Variants in MARCHF6 observed in about 807,000 individuals in gnomAD.
The protein encoded by MARCHF6 is E3 ubiquitin-protein ligase MARCHF6.
A neutral mutation model predicts 133.7 loss-of-function variants in MARCHF6; 31 were observed. That is an observed-to-expected ratio of 0.23 (90% confidence interval 0.17 to 0.31). MARCHF6 has a LOEUF of 0.31. Ranked by LOEUF, MARCHF6 falls within the 10% of genes least tolerant of loss-of-function variation. The pLI, the probability that MARCHF6 is intolerant of heterozygous loss-of-function variation, is 1.00. For synonymous variants in MARCHF6, 395 were observed against 402.5 expected, an observed-to-expected ratio of 0.98 and a Z score of 0.22; for missense variants, 723 against 1,121.6, an observed-to-expected ratio of 0.64 and a Z score of 5.08.
At chr5:10,428,373 G>A (rs371354023) in intron 24 of MARCHF6, among the ~76,000 whole-genome samples, 1 of 110,366 alleles carries the variant, frequency 9.1e-6, no homozygotes, top group Non-Finnish European at 1.7e-5. Flanking sequence ...ACGGAGTCTC[G>A]CTCTTTTGCC....
intron 1 of MARCHF6, among the ~76,000 whole-genome samples, chr5:10,377,528 ATC>A (rs1736864388): frequency 6.6e-6 from 1 of 152,242 alleles, no homozygotes; most frequent in Non-Finnish European, 1.5e-5. Flanking sequence ...GAATAAAACC[ATC>A]TGTTTCTCTT....
chr5:10,423,891 A>C, intron 23 of MARCHF6, 67 bp downstream of exon 23: 2 of 1,182,158 alleles, frequency 1.7e-6, no homozygotes, highest in South Asian at 1.4e-5. Flanking sequence ...GGCAGCTATA[A>C]CTCTTATTTC....
At chr5:10,398,162 C>T (rs893417911) in intron 10 of MARCHF6, among the ~76,000 whole-genome samples, 11 of 152,188 alleles carry the variant, frequency 7.2e-5, no homozygotes, top group African/African-American at 2.7e-4. Flanking sequence ...TTCCTTAGTA[C>T]ATGGGATTTA....
intron 11 of MARCHF6, 58 bp from the exon 12 acceptor site, chr5:10,402,001 A>T (rs1357489288): frequency 2.1e-6 from 2 of 972,208 alleles, no homozygotes; most frequent in African/African-American, 3.2e-5. Flanking sequence ...ATATGGGAAA[A>T]CCGGGGTGTA....
intron 22 of MARCHF6, among the ~76,000 whole-genome samples, chr5:10,420,075 G>A (rs1322150148): frequency 2.6e-5 from 4 of 151,780 alleles, no homozygotes; most frequent in Non-Finnish European, 4.4e-5. Context: ...TACCCATCTG[G>A]GGCTGTTGAC....
intron 17 of MARCHF6, among the ~76,000 whole-genome samples, chr5:10,407,930 T>A (rs1200173822): frequency 6.7e-6 from 1 of 148,790 alleles, no homozygotes; most frequent in Non-Finnish European, 1.5e-5. Flanking sequence ...CACTCCCACT[T>A]GGGCAACAAG....
At position 10,403,215 on chromosome 5, in the gene MARCHF6, A is replaced by G. The variant is rs545161402; in HGVS notation, c.1198-192A>G. Among the ~76,000 whole-genome samples the G allele has an allele frequency of 9.2e-5, 14 of 152,296 alleles. No individual in the cohort carries two copies. In the South Asian group the frequency reaches 1.2e-3, roughly 14 times the overall value. On this transcript the variant is annotated intron_variant, in intron 14 of 25. Transcript: ENST00000274140. The stretch of plus-strand genomic sequence containing the variant: ...TAAAGCTTTTACTAATTGGTTTATC[A>G]TTCTTTATATTTGAAGCAGTAGCCA...
chr5:10,388,909 G>A (rs1737642207), intron 5 of MARCHF6, among the ~76,000 whole-genome samples: 2 of 152,204 alleles, frequency 1.3e-5, no homozygotes, highest in African/African-American at 2.4e-5. Context: ...CTGATAGCAA[G>A]GAAGATGTAA....
At chr5:10,366,939 C>A (rs191679236) in intron 1 of MARCHF6, among the ~76,000 whole-genome samples, 2 of 152,272 alleles carry the variant, frequency 1.3e-5, no homozygotes, top group Admixed American at 6.5e-5. Flanking sequence ...TTGATCACGA[C>A]CCTCAGTCTT....
At position 10,378,840 on chromosome 5, in the gene MARCHF6, C is replaced by G. The variant is rs1318616771; in HGVS notation, c.190+8C>G. 6.3e-7 allele frequency: 1 copy of G among 1,594,534 alleles called. No homozygotes were observed. The highest frequency in any genetic ancestry group is 1.7e-5 in the Admixed American group (1 of 59,110). ...GATTTGCTTTTACACCAAGTAAGTT[C>G]TTTAGACATTTTCACTGCATTTTTT... is the stretch of plus-strand genomic sequence containing the variant. On this transcript the variant is annotated splice_region_variant and intron_variant, in intron 3 of 25. Transcript: ENST00000274140.
At chr5:10,396,143 T>G (rs1272294391) in intron 9 of MARCHF6, among the ~76,000 whole-genome samples, 1 of 152,200 alleles carries the variant, frequency 6.6e-6, no homozygotes, top group Non-Finnish European at 1.5e-5. Context: ...TGCTAGGCAC[T>G]GGGGAATTCA....
intron 9 of MARCHF6, among the ~76,000 whole-genome samples, chr5:10,396,282 T>G (rs1342841703): frequency 6.6e-6 from 1 of 152,084 alleles, no homozygotes; most frequent in Non-Finnish European, 1.5e-5. Flanking sequence ...AAAGTGTGCA[T>G]AGGACACAAG....
At chr5:10,398,531 T>C (rs1375887739) in intron 10 of MARCHF6, among the ~76,000 whole-genome samples, 1 of 152,184 alleles carries the variant, frequency 6.6e-6, no homozygotes, top group African/African-American at 2.4e-5. Context: ...CATTTATTTT[T>C]CATTATGTAA....
At position 10,390,446 on chromosome 5, in the gene MARCHF6, T is replaced by G; in HGVS notation, c.522T>G (p.Ile174Met). 6.2e-7 allele frequency: 1 copy of G among 1,614,144 alleles called. No individual in the cohort carries two copies. The highest frequency in any genetic ancestry group is 1.1e-5 in the South Asian group (1 of 91,074). The change falls in exon 6 of 26, where the codon ATT (isoleucine) becomes ATG (methionine). Residue 174 changes from isoleucine (I) to methionine (M), a missense_variant. By Grantham distance (10) the Ile-to-Met change is conservative (BLOSUM62 1). Transcript: ENST00000274140. Reference sequence around the variant, plus strand: ...AGATAGTCCATGGGGGAGCACCAATTTGGTTGGAGCATGCTGCCCCACCGT... The same window carrying G: ...AGATAGTCCATGGGGGAGCACCAATGTGGTTGGAGCATGCTGCCCCACCGT... ...REQIVHGGAP[I>M]WLEHAAPPFN...
chr5:10,391,928 G>A (rs997321984), intron 7 of MARCHF6, among the ~76,000 whole-genome samples, 197 bp downstream of exon 7: 1 of 148,844 alleles, frequency 6.7e-6, no homozygotes, highest in Non-Finnish European at 1.5e-5. Flanking sequence ...AACAGGGCAT[G>A]TTTTGTGTTT....
rs754436089 is a variant in MARCHF6, at chr5:10,435,092, T to C, written c.*1408T>C. Reference sequence around the variant, plus strand: ...AAGTTCTCATAGAAAGCGTATAACATAGGTCTTCAGAAACTATAAAAGAAT... The same window carrying C: ...AAGTTCTCATAGAAAGCGTATAACACAGGTCTTCAGAAACTATAAAAGAAT... On this transcript the variant is annotated 3_prime_UTR_variant, in exon 26 of 26. Coordinates refer to ENST00000274140, the MANE Select transcript of MARCHF6 (RefSeq NM_005885.4). The C allele has an allele frequency of 2.6e-5, 4 of 152,608 alleles. No homozygotes were observed. The highest frequency in any genetic ancestry group is 5.9e-5 in the Non-Finnish European group (4 of 68,030). 9.5% of individuals were successfully genotyped at this position (152,608 alleles called of 1,614,324 possible).
intron 10 of MARCHF6, among the ~76,000 whole-genome samples, chr5:10,398,628 CTT>C (rs1738333205): frequency 6.6e-6 from 1 of 150,576 alleles, no homozygotes; most frequent in African/African-American, 2.4e-5. Context: ...AGATTTAAGT[CTT>C]TACTCTTGCA....
chr5:10,407,694 C>G lies in MARCHF6; in HGVS notation c.1553+492C>G, dbSNP rs556233044. Among the ~76,000 whole-genome samples the G allele has an allele frequency of 3.3e-5, 5 of 152,300 alleles. No homozygotes were observed. In the South Asian group the frequency reaches 1.0e-3, roughly 32 times the overall value. Reference sequence around the variant, plus strand: ...TAAGGCCAGGCGTGGTGGCTCACGCCTGTAATCCCAGCACTTTGGGAAGCC... The same window carrying G: ...TAAGGCCAGGCGTGGTGGCTCACGCGTGTAATCCCAGCACTTTGGGAAGCC... On this transcript the variant is annotated intron_variant, in intron 17 of 25. Transcript: ENST00000274140.
At chr5:10,386,563 A>G (rs1011247901) in intron 4 of MARCHF6, among the ~76,000 whole-genome samples, 5 of 152,262 alleles carry the variant, frequency 3.3e-5, no homozygotes, top group Admixed American at 1.3e-4. Context: ...ATTGCAGTAC[A>G]TACTCTACTG....
Sources: allele counts gnomAD v4.1 joint callset (sites outside exome capture counted in the v4.1 genomes callset), GRCh38; gene constraint gnomAD v4.1.1; transcripts MANE v1.5; gene names NCBI Gene and HGNC (gene_info 2026-07-23, HGNC 2026-07-21).